ZIM2: variants seen among roughly 807,000 people sequenced by gnomAD.
ZIM2 encodes zinc finger imprinted 2.
A neutral mutation model predicts 38.6 loss-of-function variants in ZIM2; 14 were observed. That is an observed-to-expected ratio of 0.36 (90% CI 0.24 to 0.57). The LOEUF is 0.57. Among genes scored for constraint, ZIM2 ranks in the 20% least tolerant of loss-of-function variants. The pLI, the probability that ZIM2 is intolerant of heterozygous loss-of-function variation, is 0.81. For missense variants in ZIM2, 680 were observed against 695.1 expected (o/e 0.98, Z 0.24); for synonymous variants, 247 against 245.8 (o/e 1.00, Z -0.04).
At chr19:56,822,129 T>C (rs1601038536) in intron 6 of ZIM2, among the ~76,000 whole-genome samples, 2 of 152,178 alleles carry the variant, frequency 1.3e-5, no homozygotes, top group Non-Finnish European at 2.9e-5. Context: ...CACAGGGTCA[T>C]GGCTCTGAAC....
chr19:56,813,113 T>C, intron 9 of ZIM2: 1 of 984,194 alleles, frequency 1.0e-6, no homozygotes, highest in Non-Finnish European at 1.2e-6. Flanking sequence ...AAAAAGATAT[T>C]GACAGGGTTC....
chr19:56,840,207 G>A (rs903660683), intron 1 of ZIM2, among the ~76,000 whole-genome samples: 14 of 152,220 alleles, frequency 9.2e-5, no homozygotes, highest in Non-Finnish European at 1.6e-4. Flanking sequence ...TGCCGTGGCA[G>A]AGCCCCCGGC....
intron 2 of ZIM2, among the ~76,000 whole-genome samples, chr19:56,835,168 T>C (rs1031614448): frequency 6.6e-6 from 1 of 152,104 alleles, no homozygotes; most frequent in Admixed American, 6.5e-5. Context: ...CCACACCCAC[T>C]GCGTCCACCC....
At chr19:56,825,720 T>C (rs1023296368) in intron 3 of ZIM2, among the ~76,000 whole-genome samples, 8 of 152,178 alleles carry the variant, frequency 5.3e-5, no homozygotes, top group African/African-American at 1.9e-4. Context: ...GAGCATAAAC[T>C]ACCTACTGGC....
At chr19:56,815,489 TGAGGTC>T (rs769927691) in intron 9 of ZIM2, 6 of 1,614,024 alleles carry the variant, frequency 3.7e-6, no homozygotes, top group Non-Finnish European at 5.1e-6. Context: ...TGGTGCTCAG[TGAGGTC>T]AGAGCTATGA....
chr19:56,811,133 T>C, intron 9 of ZIM2: 1 of 982,462 alleles, frequency 1.0e-6, no homozygotes, highest in Non-Finnish European at 1.2e-6. Flanking sequence ...ATTTTCCAAG[T>C]GTGTGATAAT....
At position 56,822,829 on chromosome 19, in the gene ZIM2, C is replaced by G. The variant is rs751077116; in HGVS notation, c.114G>C (p.Arg38=). The change falls in exon 6 of 13, where the codon CGG becomes CGC. Residue 38 remains arginine, a synonymous_variant. Coordinates refer to ENST00000629319, the MANE Select transcript of ZIM2 (RefSeq NM_001387356.1). ...TGCTTCTGCCCCTCCGGTCCCAGTC[C>G]CGGTCACCTAAGCAGGTGAGACATT... The part of the protein sequence containing the change: ...PHSVHSFSGD[R]DWDRRGRSRD... 1 of 1,613,562 alleles carries G rather than the reference C, an allele frequency of 6.2e-7. No individual in the cohort carries two copies. The highest frequency in any genetic ancestry group is 1.3e-5 in the African/African-American group (1 of 74,896).
At chr19:56,783,078 T>C (rs2046409474) in intron 10 of ZIM2, among the ~76,000 whole-genome samples, 1 of 152,116 alleles carries the variant, frequency 6.6e-6, no homozygotes, top group African/African-American at 2.4e-5. Context: ...CAAAATTCTA[T>C]TCCTAGGTAT....
rs141048418 is a variant in ZIM2 at position 56,775,234 on chromosome 19, G to A, written c.1131C>T (p.His377=). 450 of 1,614,120 alleles carry A rather than the reference G, an allele frequency of 2.8e-4. No individual in the cohort carries two copies. The African/African-American group carries it at 3.2e-3, about 11-fold the overall frequency. ...GTTTCTTCCCAGTATGGATCCGTTC[G>A]TGTCTCCTAAGGGCTACTTGCGTAC... The part of the protein sequence containing the change: ...TFSTQVALRR[H]ERIHTGKKPY... The change falls in exon 13 of 13, where the codon CAC becomes CAT. Residue 377 remains histidine, a synonymous_variant. Transcript: ENST00000629319.
chr19:56,833,202 G>C (rs977431583), intron 2 of ZIM2: 1 of 514,528 alleles, frequency 1.9e-6, no homozygotes, highest in Non-Finnish European at 3.9e-6. Flanking sequence ...AAAATCCACC[G>C]AGTCTCCTTC....
intron 8 of ZIM2, 106 bp from the exon 9 acceptor site, chr19:56,817,944 C>T: frequency 1.3e-6 from 1 of 795,602 alleles, no homozygotes. Context: ...TGAGGTGGCC[C>T]ACATCTGATT....
intron 1 of ZIM2, among the ~76,000 whole-genome samples, chr19:56,838,932 G>A (rs2062574988): frequency 6.6e-6 from 1 of 152,186 alleles, no homozygotes; most frequent in Non-Finnish European, 1.5e-5. Context: ...GGCGGGGCTT[G>A]AACAGACCGT....
chr19:56,811,656 A>G, intron 9 of ZIM2: 2 of 985,400 alleles, frequency 2.0e-6, no homozygotes, highest in Non-Finnish European at 2.4e-6. Flanking sequence ...CCCGACATCA[A>G]CACTGATTCT....
intron 9 of ZIM2, chr19:56,812,103 T>A: frequency 2.0e-6 from 2 of 977,086 alleles, no homozygotes; most frequent in South Asian, 4.7e-5. Flanking sequence ...TACACTTACA[T>A]TTTGCAAATC....
intron 9 of ZIM2, among the ~76,000 whole-genome samples, chr19:56,795,364 C>T (rs1020423559): frequency 6.6e-6 from 1 of 152,222 alleles, no homozygotes; most frequent in Non-Finnish European, 1.5e-5. Flanking sequence ...CGCTGGATGC[C>T]TCTTGCGCCC....
At chr19:56,824,711 C>T (rs533030091) in intron 3 of ZIM2, 15 of 1,509,794 alleles carry the variant, frequency 9.9e-6, no homozygotes, top group Middle Eastern at 1.8e-4. Context: ...AGGAAAGACG[C>T]GGCAGCCTGT....
Position 56,801,043 on chromosome 19 carries a change from C to A in ZIM2, c.491-11092G>T, listed in dbSNP as rs2047500443. 2.0e-5 allele frequency among the ~76,000 whole-genome samples: 3 copies of A among 150,376 alleles called. No individual in the cohort carries two copies. The South Asian group carries it at 6.4e-4, about 32-fold the overall frequency. ...CTCCGCCTCCCAGGTTCAAGCAATT[C>A]TCTGCCTCAGCCTCCCGAGTAGCTG... On this transcript the variant is annotated intron_variant, in intron 9 of 12. Transcript: ENST00000629319.
chr19:56,792,024 G>GTTTTTT (rs36087082), intron 9 of ZIM2, among the ~76,000 whole-genome samples: 1 of 134,622 alleles, frequency 7.4e-6, no homozygotes, highest in Non-Finnish European at 1.6e-5. Flanking sequence ...AATCCCAGGA[G>GTTTTTT]TTTTTTTTTT....
chr19:56,779,227 G>A, intron 12 of ZIM2, 150 bp downstream of exon 12: 1 of 656,962 alleles, frequency 1.5e-6, no homozygotes, highest in Non-Finnish European at 2.6e-6. Context: ...TGCATGAAGA[G>A]ATGGGCTTCA....
Sources: allele counts gnomAD v4.1 joint callset (sites outside exome capture counted in the v4.1 genomes callset), GRCh38; gene constraint gnomAD v4.1.1; transcripts MANE v1.5; gene names NCBI Gene and HGNC (gene_info 2026-07-23, HGNC 2026-07-21).